The following DAAM1 variants were observed in gnomAD, a reference collection of about 807,000 sequenced individuals.
DAAM1 encodes the protein disheveled-associated activator of morphogenesis 1.
In DAAM1, 52 loss-of-function variants were observed where a neutral mutation model predicts 130.0. The ratio of observed to expected loss-of-function variants is 0.40; its 90% CI spans 0.32 to 0.50. DAAM1 has a LOEUF of 0.50. DAAM1 is among the 20% of genes least tolerant of loss of function. The probability of loss-of-function intolerance (pLI) is 0.61; values close to 1 mark genes in which losing one functional copy is unlikely to be tolerated. For missense variants in DAAM1, 1,134 were observed against 1,303.8 expected (o/e 0.87, Z 2.01); for synonymous variants, 452 against 444.5 (o/e 1.02, Z -0.21).
chr14:59,350,046 T>C (rs1421934686), intron 17 of DAAM1, among the ~76,000 whole-genome samples: 1 of 152,114 alleles, frequency 6.6e-6, no homozygotes, highest in Non-Finnish European at 1.5e-5. Flanking sequence ...TCTTCCCTTC[T>C]TCTTGCCTTC....
At chr14:59,365,805 G>A (rs553334908) in intron 23 of DAAM1, among the ~76,000 whole-genome samples, 7 of 152,192 alleles carry the variant, frequency 4.6e-5, no homozygotes, top group Non-Finnish European at 7.4e-5. Flanking sequence ...TTGATTGGGC[G>A]TAGGGAAAAA....
intron 1 of DAAM1, among the ~76,000 whole-genome samples, chr14:59,194,038 CAG>C (rs1442242584): frequency 6.6e-6 from 1 of 150,892 alleles, no homozygotes; most frequent in Non-Finnish European, 1.5e-5. Flanking sequence ...AACTGAGGCA[CAG>C]AGAAGTTAAA....
chr14:59,331,270 C>T lies in DAAM1; in HGVS notation c.1622C>T (p.Pro541Leu), dbSNP rs1594828924. 6 of 1,612,854 alleles carry T rather than the reference C, an allele frequency of 3.7e-6. No individual in the cohort carries two copies. The highest frequency in any genetic ancestry group is 5.1e-6 in the Non-Finnish European group (6 of 1,179,978). Residue 541 changes from proline to leucine, a missense_variant, in exon 14 of 25, where the codon CCT (proline) becomes CTT (leucine). Physicochemically the swap from Pro to Leu is moderately conservative, Grantham distance 98. Around this residue, in one of 3 missense-constraint regions of DAAM1, gnomAD observed 644 missense variants for 695.9 expected, o/e 0.93. Coordinates refer to ENST00000360909, the MANE Select transcript of DAAM1 (RefSeq NM_001270520.2). ...CCTGGAGCACCAGGAGGGCCCTTTC[C>T]TTCCTCTGTGCCTGGATCTCTCCTT... Reference protein sequence around the residue: ...PSPGAPGGPFPSSVPGSLLPP... With the variant: ...PSPGAPGGPFLSSVPGSLLPP...
At chr14:59,337,188 A>C (rs1379773441) in intron 15 of DAAM1, among the ~76,000 whole-genome samples, 1 of 152,216 alleles carries the variant, frequency 6.6e-6, no homozygotes, top group Admixed American at 6.5e-5. Flanking sequence ...CATGGAGTTC[A>C]CTTCGCCATA....
intron 12 of DAAM1, among the ~76,000 whole-genome samples, chr14:59,327,752 A>T (rs1398752671): frequency 6.6e-6 from 1 of 152,156 alleles, no homozygotes; most frequent in Non-Finnish European, 1.5e-5. Flanking sequence ...TTGATTTGGT[A>T]CCAGTTATAA....
In DAAM1 at chr14:59,203,221, C is replaced by G. The variant is rs1166892958; in HGVS notation, c.-38+14453C>G. 1.5e-4 allele frequency among the ~76,000 whole-genome samples: 22 copies of G among 143,160 alleles called. No homozygotes were observed. The South Asian group carries it at 3.1e-3, about 20-fold the overall frequency. The allele number at this position is 143,160 out of a possible 152,430, so 93.9% of individuals were successfully genotyped here. A position where few individuals can be genotyped will look rare whatever the true frequency, so the allele number is the denominator to read the frequency against. ...GATGGGGTTTCACCATATTAGCCAG[C>G]ATGGTCTCGATCTCCTGACCTCATG... On this transcript the variant is annotated intron_variant, in intron 1 of 24. Transcript: ENST00000360909.
chr14:59,323,153 C>A lies in DAAM1; in HGVS notation c.702C>A (p.Pro234=). 6.2e-7 allele frequency: 1 copy of A among 1,613,634 alleles called. No individual in the cohort carries two copies. The highest frequency in any genetic ancestry group is 8.5e-7 in the Non-Finnish European group (1 of 1,179,836). The stretch of plus-strand genomic sequence containing the variant: ...TCTTGGGCGCCGTGTGCCTGGTTCC[C>A]GGGGGCCACAAGAAGGTTCTGCAGG... ...LEILGAVCLV[P]GGHKKVLQAM... The change falls in exon 6 of 25, where the codon CCC becomes CCA. Residue 234 remains proline (P), a synonymous_variant. Transcript: ENST00000360909.
At chr14:59,344,951 A>ATTT (rs113522024) in intron 16 of DAAM1, among the ~76,000 whole-genome samples, 1 of 149,246 alleles carries the variant, frequency 6.7e-6, no homozygotes, top group African/African-American at 2.4e-5. Context: ...CACAGAACTA[A>ATTT]TTTTTTTTTT....
At chr14:59,306,843 G>A (rs1884397497) in intron 3 of DAAM1, among the ~76,000 whole-genome samples, 1 of 152,182 alleles carries the variant, frequency 6.6e-6, no homozygotes, top group Admixed American at 6.5e-5. Flanking sequence ...GAGACTCAGT[G>A]ATGCACAGAT....
intron 2 of DAAM1, among the ~76,000 whole-genome samples, chr14:59,275,290 G>A (rs918099391): frequency 1.3e-5 from 2 of 152,204 alleles, no homozygotes; most frequent in African/African-American, 4.8e-5. Context: ...GTCAGAGGGT[G>A]AAGGGTGGGA....
chr14:59,254,124 G>C (rs1263776666), intron 1 of DAAM1, among the ~76,000 whole-genome samples: 1 of 152,182 alleles, frequency 6.6e-6, no homozygotes, highest in Non-Finnish European at 1.5e-5. Context: ...GTGGTAGGGG[G>C]ACATTTTCAG....
chr14:59,281,824 T>C (rs1883234775), intron 2 of DAAM1, among the ~76,000 whole-genome samples: 1 of 152,132 alleles, frequency 6.6e-6, no homozygotes, highest in African/African-American at 2.4e-5. Flanking sequence ...GCCTGCTTGA[T>C]TCAGCCATAT....
intron 22 of DAAM1, chr14:59,362,624 G>C (rs1886752998): frequency 7.7e-6 from 1 of 130,622 alleles, no homozygotes; most frequent in African/African-American, 3.0e-5. Context: ...TGATGTGGAT[G>C]TTGCCCTCTT....
At chr14:59,302,751 T>A (rs1266017028) in intron 3 of DAAM1, among the ~76,000 whole-genome samples, 1 of 152,202 alleles carries the variant, frequency 6.6e-6, no homozygotes, top group Admixed American at 6.5e-5. Flanking sequence ...CCTTCCAGGT[T>A]CATGTAATTC....
intron 1 of DAAM1, among the ~76,000 whole-genome samples, chr14:59,209,069 A>C (rs1888350246): frequency 6.6e-6 from 1 of 152,230 alleles, no homozygotes; most frequent in African/African-American, 2.4e-5. Context: ...TCTTTATAAC[A>C]CAAAAAGTCC....
At chr14:59,289,138 A>G (rs2139560776) in intron 2 of DAAM1, among the ~76,000 whole-genome samples, 1 of 152,044 alleles carries the variant, frequency 6.6e-6, no homozygotes, top group African/African-American at 2.4e-5. Context: ...GCTGGTCTTG[A>G]TCTCCTGACC....
intron 1 of DAAM1, among the ~76,000 whole-genome samples, chr14:59,213,317 A>G (rs1888483950): frequency 1.7e-5 from 2 of 117,708 alleles, no homozygotes; most frequent in Admixed American, 2.4e-4. Context: ...TCTCCATGAG[A>G]TTTCATTTGT....
chr14:59,199,924 C>T (rs766436508), intron 1 of DAAM1, among the ~76,000 whole-genome samples: 5 of 152,152 alleles, frequency 3.3e-5, no homozygotes, highest in Admixed American at 1.3e-4. Context: ...GCAAAATCAC[C>T]CCGGGTTGAG....
intron 3 of DAAM1, among the ~76,000 whole-genome samples, chr14:59,310,222 G>A (rs1028677874): frequency 1.3e-5 from 2 of 151,524 alleles, no homozygotes; most frequent in Non-Finnish European, 2.9e-5. Context: ...CGATTCTCAC[G>A]CCTTAGCCTC....
Sources: gnomAD v4.1 joint callset for allele counts (sites outside exome capture counted in the v4.1 genomes callset) on GRCh38, gnomAD v4.1.1 for gene constraint, gnomAD v4.1.1 regional missense constraint, MANE v1.5 for transcripts, NCBI Gene and HGNC (gene_info 2026-07-23, HGNC 2026-07-21) for gene names.